FBXO28: variants seen among roughly 807,000 people sequenced by gnomAD.
FBXO28 encodes the protein F-box protein 28, also known as F-box only protein 28.
In FBXO28, 8 loss-of-function variants were observed where a neutral mutation model predicts 38.1. That is an observed-to-expected ratio of 0.21 (90% CI 0.12 to 0.38). The LOEUF (loss-of-function observed/expected upper bound fraction) is 0.38. Ranked by LOEUF, FBXO28 falls within the 10% of genes least tolerant of loss-of-function variation. The pLI is 1.00. For missense variants in FBXO28, 345 were observed against 460.6 expected (o/e 0.75, Z 2.30); for synonymous variants, 168 against 173.8 (o/e 0.97, Z 0.26).
chr1:224,141,470 CAA>C (rs35142896), intron 3 of FBXO28, among the ~76,000 whole-genome samples: 151 of 126,114 alleles, frequency 1.2e-3, no homozygotes, highest in Admixed American at 1.3e-3. Flanking sequence ...GACTGTGTCT[CAA>C]AAAAAAAAAA....
intron 1 of FBXO28, 53 bp downstream of exon 1, chr1:224,114,449 A>AGCT: frequency 9.0e-7 from 1 of 1,111,294 alleles, no homozygotes; most frequent in Non-Finnish European, 1.2e-6. Flanking sequence ...GAGGTCTGGG[A>AGCT]GATGAGAAGG....
At chr1:224,120,054 A>C (rs1360660234) in intron 1 of FBXO28, among the ~76,000 whole-genome samples, 2 of 152,222 alleles carry the variant, frequency 1.3e-5, no homozygotes, top group Non-Finnish European at 2.9e-5. Flanking sequence ...CTTAAAAGAC[A>C]CCAGATATAT....
At chr1:224,114,441 G>A (rs1482960724) in intron 1 of FBXO28, 45 bp downstream of exon 1, 1 of 1,345,742 alleles carries the variant, frequency 7.4e-7, no homozygotes, top group Non-Finnish European at 9.6e-7. Flanking sequence ...CCCCGGCCGA[G>A]GTCTGGGAGA....
intron 1 of FBXO28, 142 bp downstream of exon 1, chr1:224,114,538 A>C: frequency 4.5e-6 from 3 of 673,004 alleles, no homozygotes; most frequent in Non-Finnish European, 4.9e-6. Context: ...CCCGTCCCGA[A>C]CTCTCCCTTG....
At chr1:224,150,368 G>A (rs1299584071) in intron 3 of FBXO28, among the ~76,000 whole-genome samples, 1 of 152,046 alleles carries the variant, frequency 6.6e-6, no homozygotes, top group African/African-American at 2.4e-5. Flanking sequence ...TAACCCATAT[G>A]TAAAACGTTG....
chr1:224,147,826 C>A (rs1176964773), intron 3 of FBXO28, among the ~76,000 whole-genome samples: 27 of 127,862 alleles, frequency 2.1e-4, no homozygotes, highest in East Asian at 6.5e-4. Flanking sequence ...ATGTAATTTG[C>A]AAAAAAAAAA....
In FBXO28 at chr1:224,157,464, G is replaced by A; in HGVS notation, c.825G>A (p.Val275=). 6.2e-7 allele frequency: 1 copy of A among 1,614,258 alleles called. No homozygotes were observed. The highest frequency in any genetic ancestry group is 8.5e-7 in the Non-Finnish European group (1 of 1,180,056). Residue 275 remains valine (V), a synonymous_variant, in exon 5 of 5, where the codon GTG becomes GTA. Transcript: ENST00000366862. Reference sequence around the variant, plus strand: ...AGGTTAAAACAAATGGTGCTGGCGTGACTGTTCTCAGGCGTGAAATTTCTG... The same window carrying A: ...AGGTTAAAACAAATGGTGCTGGCGTAACTGTTCTCAGGCGTGAAATTTCTG... ...QQQVKTNGAG[V]TVLRREISEL...
chr1:224,154,446 C>T (rs1212820356), intron 4 of FBXO28, among the ~76,000 whole-genome samples: 1 of 143,220 alleles, frequency 7.0e-6, no homozygotes, highest in African/African-American at 2.6e-5. Flanking sequence ...CGAGGCGGGC[C>T]GATCACCTGA....
chr1:224,145,796 CAGT>C (rs1657489924), intron 3 of FBXO28, among the ~76,000 whole-genome samples: 1 of 152,020 alleles, frequency 6.6e-6, no homozygotes, highest in Admixed American at 6.6e-5. Context: ...GGGCCAGGCG[CAGT>C]GACTCACACC....
intron 1 of FBXO28, among the ~76,000 whole-genome samples, chr1:224,117,303 A>G (rs1656664255): frequency 6.6e-6 from 1 of 151,284 alleles, no homozygotes; most frequent in East Asian, 2.0e-4. Flanking sequence ...GAGTAGCTGG[A>G]ACTACAGGCG....
rs5781349 is a variant in FBXO28, at chr1:224,133,828, A to AATAT, written c.378-230_378-227dup. 6.7e-3 allele frequency among the ~76,000 whole-genome samples: 994 copies of AATAT among 148,692 alleles called. 8 individuals are homozygous for AATAT. Among genetic ancestry groups the AATAT allele is most frequent in the African/African-American group, 0.023 (941 of 40,630 alleles). On this transcript the variant is annotated intron_variant, in intron 2 of 4. Coordinates refer to ENST00000366862, the MANE Select transcript of FBXO28 (RefSeq NM_015176.4). ...GCCCGGCCCCAAAAAACCTAATTAA[A>AATAT]ATATATATATATATATATAATTTGT...
chr1:224,133,385 A>G (rs111894423), intron 2 of FBXO28, among the ~76,000 whole-genome samples: 3,064 of 152,292 alleles, frequency 0.02, 106 homozygotes, highest in African/African-American at 0.067. Flanking sequence ...TAAATTGCTA[A>G]AAAGTTTAAA....
chr1:224,114,253 C>A lies in FBXO28; in HGVS notation c.124C>A (p.Gln42Lys). 6.4e-7 allele frequency: 1 copy of A among 1,554,476 alleles called. No homozygotes were observed. Among genetic ancestry groups the A allele is most frequent in the Non-Finnish European group, 8.7e-7 (1 of 1,149,172 alleles). The change falls in exon 1 of 5, where the codon CAG becomes AAG. Residue 42 changes from glutamine (Q) to lysine (K), a missense_variant. Coordinates refer to ENST00000366862, the MANE Select transcript of FBXO28 (RefSeq NM_015176.4). ...QPPPPAPQHP[Q>K]PGSQALPAPA... ...TCCACCGCCCGCGCCACAGCACCCG[C>A]AGCCGGGGTCCCAGGCGCTCCCAGC...
rs137872375 is a variant in FBXO28 at position 224,130,334 on chromosome 1, T to G, written c.268-138T>G. On this transcript the variant is annotated intron_variant, in intron 1 of 4. Transcript: ENST00000366862. ...TCCAGCCTGGGCGACAGAGTGAGAC[T>G]TCGTCTCAAAAAAAAAGATATATAC... 1.6e-3 allele frequency: 909 copies of G among 577,222 alleles called. 11 individuals carry two copies. Among genetic ancestry groups the G allele is most frequent in the East Asian group, 8.3e-3 (274 of 33,014 alleles). 35.8% of individuals were successfully genotyped at this position (577,222 alleles called of 1,614,324 possible). A position where few individuals can be genotyped will look rare whatever the true frequency, so the allele number is the denominator to read the frequency against.
chr1:224,118,020 T>A (rs1300125896), intron 1 of FBXO28, among the ~76,000 whole-genome samples: 54 of 150,884 alleles, frequency 3.6e-4, no homozygotes, highest in African/African-American at 1.3e-3. Context: ...TTTATTTATT[T>A]ATTTATTTAT....
intron 3 of FBXO28, among the ~76,000 whole-genome samples, chr1:224,149,267 A>G (rs111853613): frequency 0.046 from 5,759 of 124,958 alleles, 339 homozygotes; most frequent in African/African-American, 0.15. Context: ...CTGAAAAACC[A>G]TATAATCTTT....
chr1:224,152,144 G>A (rs965237883), intron 3 of FBXO28, among the ~76,000 whole-genome samples: 1 of 151,820 alleles, frequency 6.6e-6, no homozygotes, highest in African/African-American at 2.4e-5. Flanking sequence ...AAATGCCTAA[G>A]GAAGGTTCAC....
At chr1:224,156,172 CT>C (rs1389307647) in intron 4 of FBXO28, among the ~76,000 whole-genome samples, 1 of 152,138 alleles carries the variant, frequency 6.6e-6, no homozygotes, top group African/African-American at 2.4e-5. Flanking sequence ...CCATCTGGTT[CT>C]TTTAGAAAAC....
At chr1:224,143,692 C>T (rs866651409) in intron 3 of FBXO28, among the ~76,000 whole-genome samples, 1 of 151,890 alleles carries the variant, frequency 6.6e-6, no homozygotes, top group African/African-American at 2.4e-5. Context: ...ATAAATTAGC[C>T]AGGCGTGATG....
Sources: gnomAD v4.1 joint callset for allele counts (sites outside exome capture counted in the v4.1 genomes callset) on GRCh38, gnomAD v4.1.1 for gene constraint, MANE v1.5 for transcripts, NCBI Gene and HGNC (gene_info 2026-07-23, HGNC 2026-07-21) for gene names.